HRH1: variants seen among roughly 807,000 people sequenced by gnomAD.
HRH1 encodes histamine receptor H1.
Under a neutral mutation model 10.3 loss-of-function variants are expected in HRH1, and 6 were observed. That is an observed-to-expected ratio of 0.58 (90% CI 0.32 to 1.15). The LOEUF (loss-of-function observed/expected upper bound fraction) is 1.15. HRH1 is among the 50% of genes most tolerant of loss of function. The probability of loss-of-function intolerance (pLI) is 0.05; values close to 1 mark genes in which losing one functional copy is unlikely to be tolerated. For missense variants in HRH1, 514 were observed against 615.3 expected (o/e 0.84, Z 1.74); for synonymous variants, 242 against 236.7 (o/e 1.02, Z -0.21).
In HRH1 at chr3:11,164,513, G is replaced by GTGTTTTGTTTTGTTTTGTTT. The variant is rs55637138; in HGVS notation, c.-36+9971_-36+9990dup. ...ACTCCTTGAGAGATGGAAATTGATG[G>GTGTTTTGTTTTGTTTTGTTT]TGTTTTGTTTTGTTTTGTTTTGTTT... On this transcript the variant is annotated intron_variant, in intron 1 of 1. Coordinates refer to ENST00000431010, the MANE Select transcript of HRH1 (RefSeq NM_001098212.2). 6.9e-3 allele frequency among the ~76,000 whole-genome samples: 1,045 copies of GTGTTTTGTTTTGTTTTGTTT among 151,496 alleles called. 15 individuals are homozygous for GTGTTTTGTTTTGTTTTGTTT. The highest frequency in any genetic ancestry group is 0.023 in the African/African-American group (960 of 41,102).
intron 1 of HRH1, among the ~76,000 whole-genome samples, chr3:11,253,675 T>C (rs1177819026): frequency 6.6e-6 from 1 of 152,202 alleles, no homozygotes; most frequent in African/African-American, 2.4e-5. Context: ...ATGGGCTATA[T>C]TGTTGTTATC....
intron 1 of HRH1, among the ~76,000 whole-genome samples, chr3:11,222,847 A>G (rs1316287858): frequency 1.3e-5 from 2 of 152,082 alleles, no homozygotes; most frequent in African/African-American, 2.4e-5. Flanking sequence ...TAGTTGTCCA[A>G]ATGTGTGGTA....
At chr3:11,235,106 A>G (rs775813684) in intron 1 of HRH1, among the ~76,000 whole-genome samples, 37 of 151,676 alleles carry the variant, frequency 2.4e-4, no homozygotes, top group Non-Finnish European at 4.9e-4. Context: ...TCCCAGCTAC[A>G]TGGGAGGCTG....
At chr3:11,248,822 G>A (rs546403469) in intron 1 of HRH1, among the ~76,000 whole-genome samples, 1 of 152,314 alleles carries the variant, frequency 6.6e-6, no homozygotes, top group East Asian at 1.9e-4. Flanking sequence ...CATTACACCA[G>A]GCTGTGGGGT....
chr3:11,175,830 A>G (rs2125014554), intron 1 of HRH1, among the ~76,000 whole-genome samples: 1 of 152,248 alleles, frequency 6.6e-6, no homozygotes, highest in African/African-American at 2.4e-5. Context: ...CATGTATCAT[A>G]TTCCTTCAAG....
chr3:11,159,259 A>T (rs879911633), intron 1 of HRH1, among the ~76,000 whole-genome samples: 14 of 152,144 alleles, frequency 9.2e-5, no homozygotes, highest in Admixed American at 5.9e-4. Context: ...AAAAAACAAA[A>T]CAAAAAGACA....
At chr3:11,223,211 A>AAT (rs1938769301) in intron 1 of HRH1, among the ~76,000 whole-genome samples, 1 of 135,812 alleles carries the variant, frequency 7.4e-6, no homozygotes, top group Non-Finnish European at 1.6e-5. Flanking sequence ...AAAAAAAAAA[A>AAT]GTCCAGGCAC....
At chr3:11,184,686 C>T (rs112942268) in intron 1 of HRH1, among the ~76,000 whole-genome samples, 1,922 of 152,108 alleles carry the variant, frequency 0.013, 45 homozygotes, top group African/African-American at 0.043. Context: ...GAGGCCGAGG[C>T]GGGCGGATCA....
intron 1 of HRH1, among the ~76,000 whole-genome samples, chr3:11,257,384 C>T (rs1004169356): frequency 7.9e-5 from 12 of 151,726 alleles, no homozygotes; most frequent in Admixed American, 2.6e-4. Context: ...GGTGAAACCC[C>T]GTCTCTACTA....
chr3:11,260,493 C>A lies in HRH1; in HGVS notation c.1456C>A (p.Arg486Ser). The A allele has an allele frequency of 6.3e-7, 1 of 1,596,868 alleles. No homozygotes were observed. The highest frequency in any genetic ancestry group is 8.5e-7 in the Non-Finnish European group (1 of 1,170,476). ...GACATTCAAGAGAATTCTGCATATTCGCTCCTAAGGGAGGCTCTGAGGGGA... is the reference window on the plus strand; with the variant it reads ...GACATTCAAGAGAATTCTGCATATTAGCTCCTAAGGGAGGCTCTGAGGGGA... ...KKTFKRILHI[R>S]S The change falls in exon 2 of 2, where the codon CGC (arginine) becomes AGC (serine). Residue 486 changes from arginine to serine, a missense_variant. Arg to Ser is a moderately radical substitution (Grantham distance 110). Transcript: ENST00000431010.
intron 1 of HRH1, among the ~76,000 whole-genome samples, chr3:11,203,645 CA>C (rs1300487156): frequency 6.6e-6 from 1 of 152,152 alleles, no homozygotes; most frequent in Non-Finnish European, 1.5e-5. Flanking sequence ...GCCCTTTTGT[CA>C]AAAACAACTT....
chr3:11,148,421 TA>T (rs1936511484), intron 1 of HRH1, among the ~76,000 whole-genome samples: 1 of 152,062 alleles, frequency 6.6e-6, no homozygotes, highest in South Asian at 2.1e-4. Context: ...ATATGCAAGA[TA>T]GAAGTGTCTT....
chr3:11,190,518 G>A (rs1361622177), intron 1 of HRH1, among the ~76,000 whole-genome samples: 2 of 152,000 alleles, frequency 1.3e-5, no homozygotes, highest in African/African-American at 4.8e-5. Context: ...AGCCTCCTGA[G>A]TAGCTGGGAC....
chr3:11,162,526 G>A (rs1936947562), intron 1 of HRH1, among the ~76,000 whole-genome samples: 1 of 123,548 alleles, frequency 8.1e-6, no homozygotes, highest in Admixed American at 8.1e-5. Context: ...CTTTCCATTT[G>A]TGATGTCACC....
At chr3:11,216,289 G>T (rs1938490830) in intron 1 of HRH1, among the ~76,000 whole-genome samples, 1 of 152,158 alleles carries the variant, frequency 6.6e-6, no homozygotes, top group African/African-American at 2.4e-5. Context: ...CGAAAGAATT[G>T]AAAGCAGGGT....
intron 1 of HRH1, among the ~76,000 whole-genome samples, chr3:11,225,132 A>T (rs1207849634): frequency 6.6e-6 from 1 of 152,146 alleles, no homozygotes; most frequent in Non-Finnish European, 1.5e-5. Context: ...CAAACTGAGG[A>T]CTTGGGCCCC....
chr3:11,170,133 G>A (rs548356751), intron 1 of HRH1, among the ~76,000 whole-genome samples: 1 of 152,296 alleles, frequency 6.6e-6, no homozygotes, highest in East Asian at 1.9e-4. Context: ...ACAGGTGAAC[G>A]ACCCCTCTGA....
At chr3:11,225,710 G>A (rs1028688096) in intron 1 of HRH1, among the ~76,000 whole-genome samples, 3 of 152,258 alleles carry the variant, frequency 2.0e-5, no homozygotes, top group Non-Finnish European at 1.5e-5. Flanking sequence ...TTTTGAGACG[G>A]AGTCTCGCTC....
intron 1 of HRH1, chr3:11,234,192 C>T (rs1322211439): frequency 1.1e-4 from 108 of 1,020,080 alleles, no homozygotes; most frequent in Middle Eastern, 4.5e-4. Flanking sequence ...AAGGTGACAA[C>T]AAGGTCTTTT....
Sources: allele counts gnomAD v4.1 joint callset (sites outside exome capture counted in the v4.1 genomes callset), GRCh38; gene constraint gnomAD v4.1.1; transcripts MANE v1.5; gene names NCBI Gene and HGNC (gene_info 2026-07-23, HGNC 2026-07-21).